The following UBA2 variants were observed in gnomAD, a reference collection of about 807,000 sequenced individuals.
UBA2 encodes the protein SUMO-activating enzyme subunit 2.
In UBA2, 11 loss-of-function variants were observed where a neutral mutation model predicts 77.2. The observed-to-expected ratio is 0.14, with a 90% CI of 0.09 to 0.24. The LOEUF is 0.24. UBA2 is among the 10% of genes least tolerant of loss of function. The pLI is 1.00. For missense variants in UBA2, 487 were observed against 781.7 expected, an observed-to-expected ratio of 0.62 and a Z score of 4.50; for synonymous variants, 278 against 276.7, an observed-to-expected ratio of 1.00 and a Z score of -0.05.
chr19:34,451,545 T>TG (rs1178454110), intron 9 of UBA2, among the ~76,000 whole-genome samples: 7 of 123,242 alleles, frequency 5.7e-5, no homozygotes, highest in Admixed American at 1.7e-4. Flanking sequence ...AGTTTTTTTT[T>TG]TTTTTTTTTT....
intron 16 of UBA2, among the ~76,000 whole-genome samples, chr19:34,468,496 A>G (rs2075709760): frequency 6.6e-6 from 1 of 152,176 alleles, no homozygotes; most frequent in Non-Finnish European, 1.5e-5. Context: ...TTGGACGAGG[A>G]GATAAAACCA....
At chr19:34,465,563 GGAGCCGAGTTTGCAGT>G (rs2075678519) in intron 15 of UBA2, among the ~76,000 whole-genome samples, 1 of 151,764 alleles carries the variant, frequency 6.6e-6, no homozygotes, top group South Asian at 2.1e-4. Flanking sequence ...TTTGAACCGG[GGAGCCGAGTTTGCAGT>G]GAGCCGAGAT....
intron 9 of UBA2, among the ~76,000 whole-genome samples, chr19:34,451,068 C>CATAG (rs1394626956): frequency 3.9e-5 from 6 of 152,084 alleles, no homozygotes; most frequent in Non-Finnish European, 8.8e-5. Context: ...CACAGGCTGT[C>CATAG]ATAGCACAAG....
intron 8 of UBA2, among the ~76,000 whole-genome samples, chr19:34,445,435 C>CTTTT (rs67809236): frequency 1.4e-5 from 1 of 73,102 alleles, no homozygotes; most frequent in Admixed American, 1.6e-4. Flanking sequence ...CTCATCTTCA[C>CTTTT]TTTTTTTTTT....
At chr19:34,441,932 A>C (rs1280419584) in intron 6 of UBA2, among the ~76,000 whole-genome samples, 2 of 149,472 alleles carry the variant, frequency 1.3e-5, no homozygotes, top group Non-Finnish European at 1.5e-5. Context: ...GAAAAAGACA[A>C]AAAAAAAAAA....
At chr19:34,449,774 T>C (rs949151014) in intron 8 of UBA2, among the ~76,000 whole-genome samples, 11 of 152,332 alleles carry the variant, frequency 7.2e-5, no homozygotes, top group South Asian at 4.1e-4. Context: ...TTTAAAGATA[T>C]CGCAGTTCAG....
intron 1 of UBA2, chr19:34,429,030 A>G (rs2075220714): frequency 7.1e-6 from 7 of 985,490 alleles, no homozygotes; most frequent in Non-Finnish European, 8.4e-6. Context: ...AGCGCTGGTC[A>G]CGAGCGGGTT....
intron 15 of UBA2, 62 bp downstream of exon 15, chr19:34,464,193 T>A: frequency 8.5e-7 from 1 of 1,174,662 alleles, no homozygotes; most frequent in Non-Finnish European, 1.3e-6. Flanking sequence ...TTAGACAAAA[T>A]GAAGGAAAAG....
chr19:34,463,968 C>G (rs10412944), intron 14 of UBA2, 58 bp from the exon 15 acceptor site: 1,152,216 of 1,271,388 alleles, frequency 0.91, 522,972 homozygotes, highest in Non-Finnish European at 0.93. Flanking sequence ...TTTAAAAAAT[C>G]AACCTGACTG....
At chr19:34,439,420 G>A (rs559688377) in intron 6 of UBA2, among the ~76,000 whole-genome samples, 1 of 152,284 alleles carries the variant, frequency 6.6e-6, no homozygotes, top group East Asian at 1.9e-4. Context: ...TATTGAATGT[G>A]GTGGTTGGCA....
chr19:34,461,541 C>T (rs1430716145), intron 14 of UBA2, among the ~76,000 whole-genome samples: 1 of 152,184 alleles, frequency 6.6e-6, no homozygotes, highest in Non-Finnish European at 1.5e-5. Flanking sequence ...TATGCTGTCC[C>T]TTAGTTGTAG....
Position 34,469,930 on chromosome 19 carries a change from C to G in UBA2, c.*709C>G, listed in dbSNP as rs2145577657. On this transcript the variant is annotated 3_prime_UTR_variant, in exon 17 of 17. Transcript: ENST00000246548. The stretch of plus-strand genomic sequence containing the variant: ...AGTTCCTGTTTCTGCTGCCTTATAT[C>G]TACTGCAGGAATGTCAAATTCTTTT... 6.6e-6 allele frequency: 1 copy of G among 152,602 alleles called. No homozygotes were observed. Among genetic ancestry groups the G allele is most frequent in the South Asian group, 2.1e-4 (1 of 4,816 alleles). The allele number at this position is 152,602 out of a possible 1,614,324, so 9.5% of individuals were successfully genotyped here.
intron 16 of UBA2, 106 bp from the exon 17 acceptor site, chr19:34,468,934 C>A: frequency 1.2e-6 from 1 of 840,096 alleles, no homozygotes. Flanking sequence ...ATTCTTAAGT[C>A]TGGTGTGTAT....
intron 16 of UBA2, 192 bp downstream of exon 16, chr19:34,467,206 A>G (rs2075696895): frequency 1.6e-6 from 1 of 620,146 alleles, no homozygotes; most frequent in African/African-American, 1.8e-5. Context: ...GGTGGCTTAC[A>G]CCTGTAATCC....
chr19:34,438,053 C>A (rs1050605853), intron 5 of UBA2, among the ~76,000 whole-genome samples: 1 of 151,912 alleles, frequency 6.6e-6, no homozygotes, highest in African/African-American at 2.4e-5. Flanking sequence ...TCCGTCTCCC[C>A]ACCGCCAAAA....
At chr19:34,446,615 T>C (rs2075434370) in intron 8 of UBA2, among the ~76,000 whole-genome samples, 1 of 23,152 alleles carries the variant, frequency 4.3e-5, no homozygotes, top group African/African-American at 5.7e-5. Flanking sequence ...TTTCTTTCTT[T>C]TTTTTTTTTT....
chr19:34,462,393 A>G (rs1361114456), intron 14 of UBA2, among the ~76,000 whole-genome samples: 1 of 152,224 alleles, frequency 6.6e-6, no homozygotes, highest in Non-Finnish European at 1.5e-5. Context: ...ACCCACATTA[A>G]CTGGTTTTCC....
intron 5 of UBA2, among the ~76,000 whole-genome samples, chr19:34,438,257 C>T (rs549765258): frequency 1.9e-4 from 29 of 150,636 alleles, no homozygotes; most frequent in Middle Eastern, 3.5e-3. Context: ...AAAATGGCTG[C>T]GAATAATATT....
chr19:34,434,739 C>T (rs901019559), intron 4 of UBA2, 129 bp from the exon 5 acceptor site: 52 of 663,326 alleles, frequency 7.8e-5, no homozygotes, highest in Non-Finnish European at 1.3e-4. Context: ...TTGTATTATT[C>T]TGGCCATAGC....
Sources: gnomAD v4.1 joint callset for allele counts (sites outside exome capture counted in the v4.1 genomes callset) on GRCh38, gnomAD v4.1.1 for gene constraint, MANE v1.5 for transcripts, NCBI Gene and HGNC (gene_info 2026-07-23, HGNC 2026-07-21) for gene names.